SUGCT: variants seen among roughly 807,000 people sequenced by gnomAD.
The protein encoded by SUGCT is succinyl-CoA:glutarate-CoA transferase.
A neutral mutation model predicts 55.0 loss-of-function variants in SUGCT; 41 were observed. The ratio of observed to expected loss-of-function variants is 0.74; its 90% CI spans 0.58 to 0.97. The LOEUF is 0.97. Ranked by LOEUF, SUGCT falls within the 50% of genes least tolerant of loss-of-function variation. SUGCT has a pLI of 0.00. For missense variants in SUGCT, 568 were observed against 547.8 expected, an observed-to-expected ratio of 1.04 and a Z score of -0.37; for synonymous variants, 187 against 200.4, an observed-to-expected ratio of 0.93 and a Z score of 0.56.
intron 1 of SUGCT, among the ~76,000 whole-genome samples, chr7:40,156,343 G>A (rs1401547654): frequency 1.3e-5 from 2 of 152,060 alleles, no homozygotes; most frequent in African/African-American, 4.8e-5. Context: ...GGCACCTGTA[G>A]TCGCAGCTAC....
chr7:40,372,329 T>C (rs940539433), intron 9 of SUGCT, among the ~76,000 whole-genome samples: 10 of 152,044 alleles, frequency 6.6e-5, no homozygotes, highest in Non-Finnish European at 8.8e-5. Flanking sequence ...CATCTTTAAT[T>C]AATTAATGTT....
At chr7:40,374,837 G>C (rs1401900281) in intron 9 of SUGCT, among the ~76,000 whole-genome samples, 4 of 152,184 alleles carry the variant, frequency 2.6e-5, no homozygotes, top group African/African-American at 9.6e-5. Context: ...TGAGTGCAGA[G>C]AGCAATTTTA....
chr7:40,642,363 T>G (rs1800308004), intron 12 of SUGCT, among the ~76,000 whole-genome samples: 1 of 152,302 alleles, frequency 6.6e-6, no homozygotes, highest in Admixed American at 6.5e-5. Flanking sequence ...TGTAAAGTGT[T>G]TGGCAGTTGG....
At chr7:40,826,597 G>T (rs768285788) in intron 13 of SUGCT, among the ~76,000 whole-genome samples, 1 of 152,172 alleles carries the variant, frequency 6.6e-6, no homozygotes, top group Non-Finnish European at 1.5e-5. Context: ...CAGGCTTGCC[G>T]CAGGCTACAG....
In SUGCT at chr7:40,571,715, C is replaced by T. The variant is rs1584015564; in HGVS notation, c.1089+75329C>T. Among the ~76,000 whole-genome samples the T allele has an allele frequency of 3.9e-5, 6 of 152,264 alleles. No homozygotes were observed. In the Middle Eastern group the frequency reaches 0.01, roughly 259 times the overall value. ...TATTTGCTAAATGGATCAAGCACCA[C>T]CACCAAGCTACTTTTCTGTCTTCAG... On this transcript the variant is annotated intron_variant, in intron 12 of 13. Coordinates refer to ENST00000335693, the MANE Select transcript of SUGCT (RefSeq NM_001193313.2).
intron 12 of SUGCT, among the ~76,000 whole-genome samples, chr7:40,708,885 A>G (rs1275898461): frequency 6.6e-6 from 1 of 151,878 alleles, no homozygotes; most frequent in African/African-American, 2.4e-5. Flanking sequence ...TCATCTGTTT[A>G]TTGCCAGTCT....
At chr7:40,356,767 C>A (rs71536678) in intron 9 of SUGCT, among the ~76,000 whole-genome samples, 1 of 152,088 alleles carries the variant, frequency 6.6e-6, no homozygotes, top group Admixed American at 6.5e-5. Context: ...TGTAGTTGTT[C>A]TGTGCAGTCT....
chr7:40,966,928 A>G, the SUGCT span: 3 of 152,262 alleles, frequency 2.0e-5, no homozygotes, highest in African/African-American at 7.2e-5. Flanking sequence ...CAATGAACCC[A>G]GAGATGTGTA....
chr7:40,899,685 C>G, the SUGCT span, among the ~76,000 whole-genome samples: 2 of 151,900 alleles, frequency 1.3e-5, no homozygotes, highest in South Asian at 4.1e-4. Context: ...TACCATATCA[C>G]CCCCACAACA....
the SUGCT span, among the ~76,000 whole-genome samples, chr7:41,008,451 C>T: frequency 1.3e-5 from 2 of 152,294 alleles, no homozygotes; most frequent in South Asian, 2.1e-4. Context: ...CATGTCCTCT[C>T]AGCACAGAAG....
At chr7:40,519,312 TAA>T (rs1343488336) in intron 12 of SUGCT, among the ~76,000 whole-genome samples, 1 of 152,080 alleles carries the variant, frequency 6.6e-6, no homozygotes, top group Admixed American at 6.6e-5. Context: ...GGAATCTGAA[TAA>T]AGTCTTTAGT....
At chr7:40,534,219 C>G (rs1036331314) in intron 12 of SUGCT, among the ~76,000 whole-genome samples, 1 of 152,126 alleles carries the variant, frequency 6.6e-6, no homozygotes, top group East Asian at 1.9e-4. Context: ...TAACTTACCA[C>G]AGATTCTGTT....
At chr7:40,524,839 G>C (rs1262580029) in intron 12 of SUGCT, among the ~76,000 whole-genome samples, 1 of 152,122 alleles carries the variant, frequency 6.6e-6, no homozygotes, top group Non-Finnish European at 1.5e-5. Flanking sequence ...TATTCTTTCA[G>C]CAATGATTTG....
chr7:41,024,574 C>T, the SUGCT span, among the ~76,000 whole-genome samples: 66 of 146,200 alleles, frequency 4.5e-4, 1 homozygote, highest in African/African-American at 1.7e-3. Context: ...GGCCAATAAA[C>T]ATATGAAAAG....
At chr7:41,008,834 G>A in the SUGCT span, among the ~76,000 whole-genome samples, 2 of 152,090 alleles carry the variant, frequency 1.3e-5, no homozygotes, top group East Asian at 3.9e-4. Flanking sequence ...AGTGGTGCTT[G>A]TTGGCAGTGT....
At position 40,212,903 on chromosome 7, in the gene SUGCT, G is replaced by A. The variant is rs2150798718; in HGVS notation, c.484+17843G>A. On this transcript the variant is annotated intron_variant, in intron 6 of 13. Coordinates refer to ENST00000335693, the MANE Select transcript of SUGCT (RefSeq NM_001193313.2). ...ACAAAAATAGTAACTGTGAGGTGATGGTACATTAATTAACTTGATGATGGT... is the reference window on the plus strand; with the variant it reads ...ACAAAAATAGTAACTGTGAGGTGATAGTACATTAATTAACTTGATGATGGT... Among the ~76,000 whole-genome samples the A allele has an allele frequency of 1.3e-5, 2 of 152,124 alleles. 1 individual carries two copies. The highest frequency in any genetic ancestry group is 4.2e-4 in the South Asian group (2 of 4,818).
chr7:40,217,528 G>A (rs1466320311), intron 6 of SUGCT: 8 of 391,792 alleles, frequency 2.0e-5, no homozygotes, highest in Admixed American at 8.4e-5. Flanking sequence ...CTGAATTATC[G>A]TTGTCTCCAC....
At chr7:40,599,982 G>A (rs1330148745) in intron 12 of SUGCT, among the ~76,000 whole-genome samples, 2 of 152,168 alleles carry the variant, frequency 1.3e-5, no homozygotes, top group East Asian at 3.8e-4. Flanking sequence ...CACATGTGAG[G>A]AGAATGCTTC....
chr7:40,479,837 A>G (rs1437810003), intron 11 of SUGCT, among the ~76,000 whole-genome samples: 1 of 152,070 alleles, frequency 6.6e-6, no homozygotes, highest in Non-Finnish European at 1.5e-5. Context: ...ATGCCTATTT[A>G]AGTCCTTTGC....
Sources: allele counts gnomAD v4.1 joint callset (sites outside exome capture counted in the v4.1 genomes callset), GRCh38; gene constraint gnomAD v4.1.1; transcripts MANE v1.5; gene names NCBI Gene and HGNC (gene_info 2026-07-23, HGNC 2026-07-21).